The following GRIP1 variants were observed in gnomAD, a reference collection of about 807,000 sequenced individuals.
GRIP1 encodes glutamate receptor-interacting protein 1.
In GRIP1, 45 loss-of-function variants were observed where a neutral mutation model predicts 129.9. The ratio of observed to expected loss-of-function variants is 0.35; its 90% CI spans 0.27 to 0.44. The LOEUF (loss-of-function observed/expected upper bound fraction) is 0.44. Among genes scored for constraint, GRIP1 ranks in the 20% least tolerant of loss-of-function variants. GRIP1 has a pLI of 1.00. For synonymous variants in GRIP1, 530 were observed against 520.8 expected (o/e 1.02, Z -0.24); for missense variants, 1,196 against 1,396.8 (o/e 0.86, Z 2.29).
intron 1 of GRIP1, 144 bp downstream of exon 1, chr12:66,678,706 T>C (rs2034451733): frequency 1.5e-5 from 11 of 756,780 alleles, no homozygotes; most frequent in East Asian, 5.4e-5. Flanking sequence ...CCTGTACATA[T>C]GTATCTATAC....
intron 2 of GRIP1, among the ~76,000 whole-genome samples, chr12:66,586,210 A>G (rs186350781): frequency 6.6e-6 from 1 of 152,166 alleles, no homozygotes; most frequent in Admixed American, 6.5e-5. Context: ...CTTTTCACCG[A>G]ATCTATTTTT....
chr12:66,380,205 G>A lies in GRIP1; in HGVS notation c.2465-769C>T, dbSNP rs557308135. Among the ~76,000 whole-genome samples, 20 of 152,064 alleles carry A rather than the reference G, an allele frequency of 1.3e-4. No individual in the cohort carries two copies. In the East Asian group the frequency reaches 1.7e-3, roughly 13 times the overall value. On this transcript the variant is annotated intron_variant, in intron 19 of 24. Transcript: ENST00000359742. The stretch of plus-strand genomic sequence containing the variant: ...GATTACAGGTGTGAGCCATCGTGCC[G>A]GCCCCATTTCAAGTATTTGAAAGTG...
At chr12:66,818,289 G>A (rs2039259298) in intron 1 of GRIP1, among the ~76,000 whole-genome samples, 2 of 152,106 alleles carry the variant, frequency 1.3e-5, no homozygotes, top group Non-Finnish European at 2.9e-5. Flanking sequence ...CATCCAAAAA[G>A]TCAGTAAGTA....
intron 1 of GRIP1, among the ~76,000 whole-genome samples, chr12:66,977,534 A>C (rs2042171847): frequency 6.6e-6 from 1 of 152,166 alleles, no homozygotes; most frequent in African/African-American, 2.4e-5. Context: ...CACTACCAGA[A>C]GCTGGCAGAC....
intron 1 of GRIP1, among the ~76,000 whole-genome samples, chr12:66,944,523 G>A (rs12099786): frequency 0.084 from 12,780 of 151,464 alleles, 531 homozygotes; most frequent in African/African-American, 0.1. Flanking sequence ...TGAAGAAAAC[G>A]TGGGGGTGGA....
chr12:66,626,464 T>G (rs2030063162), intron 1 of GRIP1, among the ~76,000 whole-genome samples: 1 of 152,226 alleles, frequency 6.6e-6, no homozygotes, highest in Admixed American at 6.5e-5. Context: ...ATACTACGTG[T>G]GCACAACAAA....
intron 1 of GRIP1, among the ~76,000 whole-genome samples, chr12:66,917,560 A>G (rs2041144611): frequency 6.6e-6 from 1 of 152,352 alleles, no homozygotes; most frequent in African/African-American, 2.4e-5. Context: ...TAATTGATAA[A>G]CACAAGGTAA....
chr12:66,763,288 T>C (rs570081972), intron 1 of GRIP1, among the ~76,000 whole-genome samples: 2 of 152,254 alleles, frequency 1.3e-5, no homozygotes, highest in African/African-American at 4.8e-5. Flanking sequence ...CAGACACCCT[T>C]GCAATCCATT....
chr12:66,643,224 G>A (rs1250399215), intron 1 of GRIP1, among the ~76,000 whole-genome samples: 1 of 152,202 alleles, frequency 6.6e-6, no homozygotes, highest in Non-Finnish European at 1.5e-5. Context: ...TTTAAAATGT[G>A]CGTTGGGTTT....
At chr12:66,848,517 T>G (rs936160390) in intron 1 of GRIP1, among the ~76,000 whole-genome samples, 1 of 152,108 alleles carries the variant, frequency 6.6e-6, no homozygotes, top group African/African-American at 2.4e-5. Flanking sequence ...TGGGGTACTC[T>G]GAAAATACAT....
intron 1 of GRIP1, among the ~76,000 whole-genome samples, chr12:66,953,424 G>C (rs1233685698): frequency 6.6e-6 from 1 of 152,144 alleles, no homozygotes; most frequent in Non-Finnish European, 1.5e-5. Context: ...CTTGATCCTG[G>C]CAGCAACCTG....
chr12:66,906,971 A>G (rs920441806), intron 1 of GRIP1, among the ~76,000 whole-genome samples: 1 of 152,198 alleles, frequency 6.6e-6, no homozygotes, highest in Non-Finnish European at 1.5e-5. Context: ...TAAGGAATTG[A>G]CCTTGGTACA....
chr12:66,615,477 T>C (rs116769139), intron 1 of GRIP1, among the ~76,000 whole-genome samples: 2,527 of 152,190 alleles, frequency 0.017, 74 homozygotes, highest in African/African-American at 0.058. Flanking sequence ...TATACCTGGG[T>C]GGCTGTTAGA....
At chr12:66,704,679 A>G (rs2035467722) in intron 1 of GRIP1, among the ~76,000 whole-genome samples, 1 of 152,154 alleles carries the variant, frequency 6.6e-6, no homozygotes, top group Non-Finnish European at 1.5e-5. Context: ...AGAGAGCTTA[A>G]GAACCTTAAA....
At chr12:66,729,732 C>T (rs958337665) in intron 1 of GRIP1, among the ~76,000 whole-genome samples, 2 of 152,114 alleles carry the variant, frequency 1.3e-5, no homozygotes, top group Admixed American at 6.5e-5. Flanking sequence ...CGCCACCACG[C>T]CCAGCTAATT....
At chr12:66,699,616 T>G (rs1235106478) in intron 1 of GRIP1, among the ~76,000 whole-genome samples, 1 of 152,218 alleles carries the variant, frequency 6.6e-6, no homozygotes, top group African/African-American at 2.4e-5. Flanking sequence ...GTGAGTTCAT[T>G]AAGCCTCTTT....
intron 1 of GRIP1, among the ~76,000 whole-genome samples, chr12:66,601,751 A>C (rs1290849454): frequency 6.6e-6 from 1 of 152,220 alleles, no homozygotes; most frequent in East Asian, 1.9e-4. Flanking sequence ...GTGTTCATGC[A>C]TGTCCTTACA....
intron 4 of GRIP1, among the ~76,000 whole-genome samples, chr12:66,534,101 C>T (rs1234303582): frequency 6.6e-6 from 1 of 152,196 alleles, no homozygotes; most frequent in Non-Finnish European, 1.5e-5. Context: ...CCTTCAACCA[C>T]TCTCAACTCA....
chr12:66,988,342 G>C lies in GRIP1; in HGVS notation c.58+80708C>G, dbSNP rs568979583. On this transcript the variant is annotated intron_variant, in intron 1 of 1. Coordinates refer to the GRIP1 transcript ENST00000643019. ...CAAATATTTACTAGGCATTCACATAGCCTTGTGCTACTTCTCTGATATTCT... is the reference window on the plus strand; with the variant it reads ...CAAATATTTACTAGGCATTCACATACCCTTGTGCTACTTCTCTGATATTCT... 8.6e-5 allele frequency among the ~76,000 whole-genome samples: 13 copies of C among 151,994 alleles called. No homozygotes were observed. The East Asian group carries it at 2.1e-3, about 25-fold the overall frequency.
Sources: allele counts gnomAD v4.1 joint callset (sites outside exome capture counted in the v4.1 genomes callset), GRCh38; gene constraint gnomAD v4.1.1; transcripts MANE v1.5; gene names NCBI Gene and HGNC (gene_info 2026-07-23, HGNC 2026-07-21).